ARHGEF10L: variants seen among roughly 807,000 people sequenced by gnomAD.
ARHGEF10L encodes the protein rho guanine nucleotide exchange factor 10-like protein.
Under a neutral mutation model 141.2 loss-of-function variants are expected in ARHGEF10L, and 69 were observed. That is an observed-to-expected ratio of 0.49 (90% CI 0.40 to 0.60). ARHGEF10L has a LOEUF of 0.60. Ranked by LOEUF, ARHGEF10L falls within the 20% of genes least tolerant of loss-of-function variation. ARHGEF10L has a pLI of 0.00. For missense variants in ARHGEF10L, 1,482 were observed against 1,734.3 expected (o/e 0.85, Z 2.58); for synonymous variants, 711 against 718.5 (o/e 0.99, Z 0.17).
At chr1:17,528,723 T>C in the ARHGEF10L span, among the ~76,000 whole-genome samples, 1 of 152,196 alleles carries the variant, frequency 6.6e-6, no homozygotes, top group African/African-American at 2.4e-5. Flanking sequence ...ACTGGATACA[T>C]GATCCTGCCC....
At chr1:17,554,583 CTTTTTTT>C (rs970778480) in intron 1 of ARHGEF10L, among the ~76,000 whole-genome samples, 1 of 122,310 alleles carries the variant, frequency 8.2e-6, no homozygotes. Context: ...TCCTTCCTTC[CTTTTTTT>C]TTTTTTTTTT....
chr1:17,585,109 T>C (rs950928299), intron 2 of ARHGEF10L, among the ~76,000 whole-genome samples: 3 of 152,178 alleles, frequency 2.0e-5, no homozygotes, highest in Admixed American at 2.0e-4. Flanking sequence ...AAGCTATCAA[T>C]CCAAACACCA....
rs1286061141 is a variant in ARHGEF10L at position 17,609,383 on chromosome 1, C to T, written c.609+1406C>T. On this transcript the variant is annotated intron_variant, in intron 7 of 28. Transcript: ENST00000361221. Reference sequence around the variant, plus strand: ...CCAGGGGTGGGCTGTGGAAAACAGCCTTAATGTCTTGCTAGCCAAAAAGCG... The same window carrying T: ...CCAGGGGTGGGCTGTGGAAAACAGCTTTAATGTCTTGCTAGCCAAAAAGCG... 2.0e-5 allele frequency among the ~76,000 whole-genome samples: 3 copies of T among 152,296 alleles called. No homozygotes were observed. The East Asian group carries it at 5.8e-4, about 29-fold the overall frequency.
intron 28 of ARHGEF10L, 30 bp downstream of exon 28, chr1:17,695,310 A>AG (rs2065414526): frequency 6.5e-7 from 1 of 1,546,736 alleles, no homozygotes; most frequent in African/African-American, 1.4e-5. Flanking sequence ...TGTTGGCAGG[A>AG]CCAGGGGGTC....
chr1:17,531,133 G>A, the ARHGEF10L span, among the ~76,000 whole-genome samples: 1 of 152,234 alleles, frequency 6.6e-6, no homozygotes, highest in Non-Finnish European at 1.5e-5. Flanking sequence ...GTAAATAGAT[G>A]CACAGTAAAA....
At position 17,603,473 on chromosome 1, in the gene ARHGEF10L, C is replaced by T. The variant is rs2080884532; in HGVS notation, c.350-35C>T. On this transcript the variant is annotated intron_variant, in intron 5 of 28. Transcript: ENST00000361221. This position sits in a 1 kb window ranked among gnomAD's most constrained non-coding sequence, Gnocchi z 4.8. ...CACCTCTGGCCAGGCTGCCACAGCC[C>T]ACGGTGGTGCTCTCTCTCCCCACTT... 6.3e-7 allele frequency: 1 copy of T among 1,591,088 alleles called. No homozygotes were observed. The highest frequency in any genetic ancestry group is 1.3e-5 in the African/African-American group (1 of 74,532).
chr1:17,591,322 A>C (rs1383860460), intron 4 of ARHGEF10L, among the ~76,000 whole-genome samples: 1 of 151,092 alleles, frequency 6.6e-6, no homozygotes, highest in Non-Finnish European at 1.5e-5. Flanking sequence ...GGCTCACTGC[A>C]TCCTTGACCT....
intron 27 of ARHGEF10L, among the ~76,000 whole-genome samples, chr1:17,690,814 G>C (rs1409753127): frequency 6.6e-6 from 1 of 152,242 alleles, no homozygotes; most frequent in Non-Finnish European, 1.5e-5. Context: ...CTGGGGACCA[G>C]AGCGTGGGGG....
chr1:17,680,789 T>TC (rs2064072170), intron 26 of ARHGEF10L, among the ~76,000 whole-genome samples: 1 of 147,694 alleles, frequency 6.8e-6, no homozygotes, highest in Non-Finnish European at 1.5e-5. Context: ...TCCCATAACT[T>TC]TTTTTTTTTT....
chr1:17,639,745 T>C lies in ARHGEF10L; in HGVS notation c.2172-457T>C. 1.2e-6 allele frequency: 1 copy of C among 817,936 alleles called. No homozygotes were observed. The highest frequency in any genetic ancestry group is 1.8e-6 in the Non-Finnish European group (1 of 558,384). 50.7% of individuals were successfully genotyped at this position (817,936 alleles called of 1,614,324 possible). On this transcript the variant is annotated intron_variant, in intron 20 of 28. Transcript: ENST00000361221. The surrounding 1 kb of genome is among the most constrained non-coding windows in gnomAD (Gnocchi z 4.3). ...ATTCATTCATTTCTTCATTCATTCC[T>C]GTGTCCACTCAGCAAACATTTACTG...
Position 17,656,446 on chromosome 1 carries a change from C to T in ARHGEF10L, c.2706-108C>T. On this transcript the variant is annotated intron_variant, in intron 24 of 28. Coordinates refer to ENST00000361221, the MANE Select transcript of ARHGEF10L (RefSeq NM_018125.4). The surrounding 1 kb of genome is among the most constrained non-coding windows in gnomAD (Gnocchi z 4.9). Reference sequence around the variant, plus strand: ...CTGGCCACACAGCCGAAAGGCGTGGCTGAGAGGGGTCAGCTCCCTGGGGCC... The same window carrying T: ...CTGGCCACACAGCCGAAAGGCGTGGTTGAGAGGGGTCAGCTCCCTGGGGCC... 2 of 1,376,734 alleles carry T rather than the reference C, an allele frequency of 1.5e-6. No individual in the cohort carries two copies. Among genetic ancestry groups the T allele is most frequent in the South Asian group, 2.8e-5 (2 of 71,960 alleles). The allele number at this position is 1,376,734 out of a possible 1,614,324, so 85.3% of individuals were successfully genotyped here.
Position 17,695,271 on chromosome 1 carries a change from A to G in ARHGEF10L, c.3298A>G (p.Lys1100Glu). ...CGTGCCTCGGCTGGAAGGCATCCCCAAGATCACAGGTGAGGCTTTGGGAGC... is the reference window on the plus strand; with the variant it reads ...CGTGCCTCGGCTGGAAGGCATCCCCGAGATCACAGGTGAGGCTTTGGGAGC... ...LPVPRLEGIP[K>E]ITGKGMVSLN... Residue 1100 changes from lysine (K) to glutamate (E), a missense_variant, in exon 28 of 29, where the codon AAG becomes GAG. This residue lies in a region of ARHGEF10L where 858 missense variants were observed against 966.3 expected (regional missense o/e 0.89). Transcript: ENST00000361221. 1 of 1,586,526 alleles carries G rather than the reference A, an allele frequency of 6.3e-7. No homozygotes were observed. The highest frequency in any genetic ancestry group is 8.6e-7 in the Non-Finnish European group (1 of 1,167,106).
rs2078451573 is a variant in ARHGEF10L at position 17,580,593 on chromosome 1, CTG to C, written c.-2_-1del. The stretch of plus-strand genomic sequence containing the variant: ...GGTGCTGGTCTGAGCTGGACCTTGT[CTG>C]ATGGCTTCCTCCAACCCTCCTCCAC... On this transcript the variant is annotated 5_prime_UTR_variant, in exon 2 of 29. Transcript: ENST00000361221. 1.2e-6 allele frequency: 2 copies of C among 1,614,194 alleles called. No homozygotes were observed. Among genetic ancestry groups the C allele is most frequent in the Non-Finnish European group, 1.7e-6 (2 of 1,180,036 alleles).
intron 26 of ARHGEF10L, among the ~76,000 whole-genome samples, chr1:17,665,903 G>A (rs955575712): frequency 8.5e-5 from 13 of 152,168 alleles, no homozygotes; most frequent in Admixed American, 2.0e-4. Flanking sequence ...GTGTGAATAC[G>A]GAGGCCTGGG....
intron 1 of ARHGEF10L, among the ~76,000 whole-genome samples, chr1:17,551,421 A>G (rs2077106814): frequency 6.6e-6 from 1 of 152,086 alleles, no homozygotes; most frequent in African/African-American, 2.4e-5. Flanking sequence ...AGGAAGCAGG[A>G]GGCATCCAGG....
At position 17,639,866 on chromosome 1, in the gene ARHGEF10L, C is replaced by T. The variant is rs1369911832; in HGVS notation, c.2172-336C>T. 1 of 1,387,964 alleles carries T rather than the reference C, an allele frequency of 7.2e-7. No homozygotes were observed. The highest frequency in any genetic ancestry group is 2.2e-5 in the Admixed American group (1 of 46,320). The allele number at this position is 1,387,964 out of a possible 1,614,324, so 86.0% of individuals were successfully genotyped here. On this transcript the variant is annotated intron_variant, in intron 20 of 28. Transcript: ENST00000361221. This position sits in a 1 kb window ranked among gnomAD's most constrained non-coding sequence, Gnocchi z 4.3. ...GTCAGACATGTAAGGTGTCTAAGAC[C>T]TGTGGACAGCTGACCGCTGACCAGG...
At position 17,624,372 on chromosome 1, in the gene ARHGEF10L, C is replaced by T. The variant is rs779956585; in HGVS notation, c.1201-15C>T. The T allele has an allele frequency of 1.2e-6, 2 of 1,606,556 alleles. No individual in the cohort carries two copies. Among genetic ancestry groups the T allele is most frequent in the Non-Finnish European group, 1.7e-6 (2 of 1,173,332 alleles). Reference sequence around the variant, plus strand: ...ATTGAGGCGGTCTCCCTGGCCCACACCTGCCTTGTTTCAGTTTTCCAAGTC... The same window carrying T: ...ATTGAGGCGGTCTCCCTGGCCCACATCTGCCTTGTTTCAGTTTTCCAAGTC... On this transcript the variant is annotated splice_polypyrimidine_tract_variant and intron_variant, in intron 12 of 28. Transcript: ENST00000361221.
Position 17,616,160 on chromosome 1 carries a change from G to A in ARHGEF10L, c.793G>A (p.Val265Met), listed in dbSNP as rs553221443. The A allele has an allele frequency of 3.7e-6, 6 of 1,613,158 alleles. No homozygotes were observed. The highest frequency in any genetic ancestry group is 2.7e-5 in the African/African-American group (2 of 75,042). Reference sequence around the variant, plus strand: ...TGGGCTGGAGAAGACACGGATGGCCGTGATGCGCAAAGTCTCCTTCCTGCA... The same window carrying A: ...TGGGCTGGAGAAGACACGGATGGCCATGATGCGCAAAGTCTCCTTCCTGCA... ...KDGLEKTRMA[V>M]MRKVSFLHRK... The change falls in exon 9 of 29, where the codon GTG (valine) becomes ATG (methionine). Residue 265 changes from valine to methionine, a missense_variant. Physicochemically the swap from Val to Met is conservative, Grantham distance 21. Around this residue, in one of 3 missense-constraint regions of ARHGEF10L, gnomAD observed 392 missense variants for 542.1 expected, o/e 0.72. Transcript: ENST00000361221.
chr1:17,579,062 C>G (rs1287877627), intron 1 of ARHGEF10L, among the ~76,000 whole-genome samples: 1 of 152,044 alleles, frequency 6.6e-6, no homozygotes, highest in Non-Finnish European at 1.5e-5. Context: ...GCTCTGTTTC[C>G]CAGACTGGAG....
Sources: gnomAD v4.1 joint callset for allele counts (sites outside exome capture counted in the v4.1 genomes callset) on GRCh38, gnomAD v4.1.1 for gene constraint, gnomAD v4.1.1 regional missense constraint, Gnocchi (gnomAD v3.1) non-coding constraint, MANE v1.5 for transcripts, NCBI Gene and HGNC (gene_info 2026-07-23, HGNC 2026-07-21) for gene names.